SLC1A1: variants seen among roughly 807,000 people sequenced by gnomAD.
The protein encoded by SLC1A1 is solute carrier family 1 member 1.
SLC1A1 carries 43 observed loss-of-function variants against 53.3 expected under a neutral mutation model. The observed-to-expected ratio is 0.81, with a 90% CI of 0.63 to 1.04. The LOEUF is 1.04. SLC1A1 is among the 50% of genes least tolerant of loss of function. SLC1A1 has a pLI of 0.00. For missense variants in SLC1A1, 748 were observed against 664.9 expected (o/e 1.12, Z -1.37); for synonymous variants, 307 against 243.2 (o/e 1.26, Z -2.44).
chr9:4,541,647 A>G (rs1019185989), intron 1 of SLC1A1, among the ~76,000 whole-genome samples: 2 of 152,240 alleles, frequency 1.3e-5, no homozygotes, highest in Non-Finnish European at 2.9e-5. Context: ...AATCAGAGAA[A>G]CAAAGGTTAC....
intron 10 of SLC1A1, among the ~76,000 whole-genome samples, chr9:4,578,973 TC>T (rs934919974): frequency 4.6e-5 from 7 of 152,216 alleles, no homozygotes; most frequent in African/African-American, 1.7e-4. Context: ...CATTCTTGTG[TC>T]CCAGCCTAAA....
rs893298222 is a variant in SLC1A1 at position 4,495,968 on chromosome 9, G to A, written c.91+5198G>A. Among the ~76,000 whole-genome samples, 2 of 152,162 alleles carry A rather than the reference G, an allele frequency of 1.3e-5. 1 individual carries two copies. The highest frequency in any genetic ancestry group is 1.3e-4 in the Admixed American group (2 of 15,276). On this transcript the variant is annotated intron_variant, in intron 1 of 11. Coordinates refer to ENST00000262352, the MANE Select transcript of SLC1A1 (RefSeq NM_004170.6). ...GAGCCAGAAGGGTGTTTGGGTAAAG[G>A]TAGGCAGCAAACACCTGGCTAAGTG...
At chr9:4,566,619 G>A (rs1349549307) in intron 5 of SLC1A1, among the ~76,000 whole-genome samples, 1 of 152,008 alleles carries the variant, frequency 6.6e-6, no homozygotes, top group African/African-American at 2.4e-5. Flanking sequence ...AGGCCAAGGT[G>A]GGCAGATCCC....
At chr9:4,495,018 T>C (rs1447577140) in intron 1 of SLC1A1, among the ~76,000 whole-genome samples, 2 of 152,228 alleles carry the variant, frequency 1.3e-5, no homozygotes, top group Non-Finnish European at 2.9e-5. Context: ...GAAGCAATCA[T>C]GCATAGATTC....
Position 4,505,518 on chromosome 9 carries a change from C to A in SLC1A1, c.91+14748C>A, listed in dbSNP as rs370102901. 3.3e-5 allele frequency among the ~76,000 whole-genome samples: 5 copies of A among 152,290 alleles called. No homozygotes were observed. In the East Asian group the frequency reaches 9.6e-4, roughly 29 times the overall value. On this transcript the variant is annotated intron_variant, in intron 1 of 11. Coordinates refer to ENST00000262352, the MANE Select transcript of SLC1A1 (RefSeq NM_004170.6). ...ATTTTAATATCTACAAATAAATAAT[C>A]TGAGGATGTTTCTCAATTCAGCATC... is the stretch of plus-strand genomic sequence containing the variant.
intron 1 of SLC1A1, among the ~76,000 whole-genome samples, chr9:4,499,400 G>C (rs1820560054): frequency 6.6e-6 from 1 of 152,276 alleles, no homozygotes; most frequent in South Asian, 2.1e-4. Flanking sequence ...TTAGAGAAGA[G>C]ATCCTTCTGG....
intron 1 of SLC1A1, among the ~76,000 whole-genome samples, chr9:4,542,895 G>T (rs537937922): frequency 8.5e-5 from 13 of 152,190 alleles, no homozygotes; most frequent in African/African-American, 3.1e-4. Context: ...CTACAATTTG[G>T]GAAATGTTTA....
At chr9:4,500,791 C>T (rs1370690988) in intron 1 of SLC1A1, among the ~76,000 whole-genome samples, 2 of 152,176 alleles carry the variant, frequency 1.3e-5, no homozygotes, top group African/African-American at 2.4e-5. Flanking sequence ...TGAAAATTAT[C>T]TGCTGACTGC....
chr9:4,555,999 T>G (rs1818341276), intron 2 of SLC1A1, among the ~76,000 whole-genome samples: 1 of 152,082 alleles, frequency 6.6e-6, no homozygotes, highest in Admixed American at 6.5e-5. Context: ...TATTTTTTTT[T>G]TTTTTTGAGA....
At chr9:4,565,817 A>C (rs926762916) in intron 4 of SLC1A1, among the ~76,000 whole-genome samples, 2 of 152,214 alleles carry the variant, frequency 1.3e-5, no homozygotes, top group African/African-American at 4.8e-5. Flanking sequence ...TAAGCATGTC[A>C]GTTACTCAGT....
At chr9:4,564,991 G>A (rs1052592659) in intron 4 of SLC1A1, among the ~76,000 whole-genome samples, 2 of 152,098 alleles carry the variant, frequency 1.3e-5, no homozygotes, top group East Asian at 3.8e-4. Context: ...AATTTCTTAC[G>A]GGTTCTGTTG....
At chr9:4,543,298 T>G (rs960221164) in intron 1 of SLC1A1, among the ~76,000 whole-genome samples, 1 of 152,230 alleles carries the variant, frequency 6.6e-6, no homozygotes, top group African/African-American at 2.4e-5. Context: ...TTAGTCATTT[T>G]ACTTCCAAAT....
chr9:4,508,534 G>A (rs1820882239), intron 1 of SLC1A1, among the ~76,000 whole-genome samples: 1 of 152,166 alleles, frequency 6.6e-6, no homozygotes, highest in African/African-American at 2.4e-5. Context: ...GTGAGGAGCT[G>A]GGCACTTGAA....
chr9:4,537,330 C>T (rs1427529676), intron 1 of SLC1A1, among the ~76,000 whole-genome samples: 1 of 38,132 alleles, frequency 2.6e-5, no homozygotes, highest in Admixed American at 2.9e-4. Flanking sequence ...GAGGCCGAGG[C>T]GGGTGGATCA....
intron 1 of SLC1A1, among the ~76,000 whole-genome samples, chr9:4,537,816 G>C (rs1201836953): frequency 6.6e-6 from 1 of 151,900 alleles, no homozygotes; most frequent in Non-Finnish European, 1.5e-5. Context: ...AATTTTGGGG[G>C]GGTAATGGAA....
intron 1 of SLC1A1, among the ~76,000 whole-genome samples, chr9:4,524,121 T>C (rs1201037011): frequency 6.6e-6 from 1 of 152,242 alleles, no homozygotes; most frequent in Non-Finnish European, 1.5e-5. Flanking sequence ...TGTTGGCTAA[T>C]TGATCCTATG....
intron 1 of SLC1A1, among the ~76,000 whole-genome samples, chr9:4,494,772 T>C (rs1475150022): frequency 6.6e-6 from 1 of 152,060 alleles, no homozygotes; most frequent in Non-Finnish European, 1.5e-5. Flanking sequence ...CTAATGCGGG[T>C]CATCCAATAA....
chr9:4,514,285 T>C lies in SLC1A1; in HGVS notation c.91+23515T>C, dbSNP rs141426999. The stretch of plus-strand genomic sequence containing the variant: ...AGGGTCTGTGTTTACTGGTGGGGAA[T>C]TCCTGTTTTCTACTGAGTTCTCATC... On this transcript the variant is annotated intron_variant, in intron 1 of 11. Coordinates refer to ENST00000262352, the MANE Select transcript of SLC1A1 (RefSeq NM_004170.6). Among the ~76,000 whole-genome samples the C allele has an allele frequency of 2.2e-3, 339 of 152,322 alleles. 1 individual carries two copies. The highest frequency in any genetic ancestry group is 7.7e-3 in the African/African-American group (320 of 41,570).
At position 4,572,288 on chromosome 9, in the gene SLC1A1, G is replaced by A; in HGVS notation, c.667G>A (p.Gly223Arg). The change falls in exon 7 of 12, where the codon GGA becomes AGA. Residue 223 changes from glycine (G) to arginine (R), a missense_variant. By Grantham distance (125) the Gly-to-Arg change is moderately radical (BLOSUM62 -2). Transcript: ENST00000262352. The stretch of plus-strand genomic sequence containing the variant: ...CTTGATTGTCTTTTGCCTTGTCTTT[G>A]GACTTGTCATTGGAAAAATGGGAGA... ...LGLIVFCLVF[G>R]LVIGKMGEKG... 1 of 1,614,006 alleles carries A rather than the reference G, an allele frequency of 6.2e-7. No individual in the cohort carries two copies. The highest frequency in any genetic ancestry group is 8.5e-7 in the Non-Finnish European group (1 of 1,179,936).
Sources: allele counts gnomAD v4.1 joint callset (sites outside exome capture counted in the v4.1 genomes callset), GRCh38; gene constraint gnomAD v4.1.1; transcripts MANE v1.5; gene names NCBI Gene and HGNC (gene_info 2026-07-23, HGNC 2026-07-21).